PSMA6: variants seen among roughly 807,000 people sequenced by gnomAD.
PSMA6 encodes the protein proteasome subunit alpha type-6.
For missense variants in PSMA6, 170 were observed against 294.8 expected (o/e 0.58, Z 3.10); for synonymous variants, 88 against 97.7 (o/e 0.90, Z 0.59).
intron 1 of PSMA6, among the ~76,000 whole-genome samples, chr14:35,304,359 C>A (rs1455466218): frequency 2.0e-5 from 3 of 152,174 alleles, no homozygotes; most frequent in Non-Finnish European, 2.9e-5. Context: ...ACTTGAGTTT[C>A]TGTGGATTTT....
intron 1 of PSMA6, chr14:35,278,767 T>C (rs1218988185): frequency 1.3e-6 from 2 of 1,520,522 alleles, no homozygotes; most frequent in East Asian, 4.9e-5. Flanking sequence ...ATATTACTGA[T>C]TCTTTGAAAA....
Position 35,307,866 on chromosome 14 carries a change from A to C in PSMA6, c.77-128A>C. On this transcript the variant is annotated intron_variant, in intron 1 of 6. Transcript: ENST00000261479. ...CATTATTATTATTTTGACTTTGCACATCCTGGAATGCTATATGAGCATTCT... is the reference window on the plus strand; with the variant it reads ...CATTATTATTATTTTGACTTTGCACCTCCTGGAATGCTATATGAGCATTCT... The C allele has an allele frequency of 4.0e-6, 3 of 755,426 alleles. No individual in the cohort carries two copies. In the East Asian group the frequency reaches 8.6e-5, roughly 22 times the overall value. 46.8% of individuals were successfully genotyped at this position (755,426 alleles called of 1,614,324 possible). A position where few individuals can be genotyped will look rare whatever the true frequency, so the allele number is the denominator to read the frequency against.
chr14:35,288,082 A>G (rs2051439914), upstream of PSMA6, among the ~76,000 whole-genome samples: 1 of 152,140 alleles, frequency 6.6e-6, no homozygotes, highest in Non-Finnish European at 1.5e-5. Flanking sequence ...ATCTTTTTGA[A>G]TAAAGAAAAA....
chr14:35,312,817 C>A, intron 4 of PSMA6, 64 bp from the exon 5 acceptor site: 3 of 1,424,654 alleles, frequency 2.1e-6, no homozygotes, highest in Admixed American at 2.6e-5. Flanking sequence ...GTGACACCAC[C>A]AAGAAAGAGG....
chr14:35,282,302 A>G (rs2051373910), intron 1 of PSMA6, among the ~76,000 whole-genome samples: 1 of 152,156 alleles, frequency 6.6e-6, no homozygotes, highest in South Asian at 2.1e-4. Context: ...CAGTGTGATC[A>G]TGACTCACTG....
rs183361926 is a variant in PSMA6, at chr14:35,285,628, G to A, written c.19+6910G>A. On this transcript the variant is annotated intron_variant, in intron 1 of 6. Transcript: ENST00000540871. The stretch of plus-strand genomic sequence containing the variant: ...GAAGTGTCTCTAGGCTAAAGGGAAG[G>A]CTGTTGAGTCTTATTTCCTCTCTGT... 9.8e-5 allele frequency among the ~76,000 whole-genome samples: 15 copies of A among 152,340 alleles called. No individual in the cohort carries two copies. In the East Asian group the frequency reaches 2.5e-3, roughly 25 times the overall value.
intron 4 of PSMA6, chr14:35,312,654 T>C: frequency 2.2e-6 from 1 of 444,856 alleles, no homozygotes; most frequent in Admixed American, 4.2e-5. Flanking sequence ...TTATTCAAAC[T>C]ATTTTTTTTA....
intron 1 of PSMA6, chr14:35,292,881 T>C (rs971183761): frequency 1.3e-4 from 64 of 509,128 alleles, no homozygotes; most frequent in Non-Finnish European, 2.2e-4. Flanking sequence ...GCACAAGGTC[T>C]GTTTCTAAAG....
In PSMA6 at chr14:35,306,650, T is replaced by C. The variant is rs186200833; in HGVS notation, c.77-1344T>C. The stretch of plus-strand genomic sequence containing the variant: ...TGAGCCCGGGAGGCAGAGGTTGTAG[T>C]GAGCCAAGATCATGCCACTGCACTC... On this transcript the variant is annotated intron_variant, in intron 1 of 6. Transcript: ENST00000261479. Among the ~76,000 whole-genome samples, 218 of 152,202 alleles carry C rather than the reference T, an allele frequency of 1.4e-3. 1 individual carries two copies. Among genetic ancestry groups the C allele is most frequent in the African/African-American group, 4.8e-3 (200 of 41,526 alleles).
chr14:35,291,513 C>T (rs537923853), upstream of PSMA6, among the ~76,000 whole-genome samples: 1 of 152,118 alleles, frequency 6.6e-6, no homozygotes, highest in African/African-American at 2.4e-5. Context: ...AGCCACCGCG[C>T]CCGGCCTCCG....
intron 1 of PSMA6, chr14:35,278,837 C>G (rs2051333799): frequency 2.6e-6 from 3 of 1,172,172 alleles, no homozygotes; most frequent in East Asian, 5.2e-5. Context: ...TCCCAAGTTG[C>G]TTTTTTTTCT....
chr14:35,280,125 C>T lies in PSMA6; in HGVS notation c.19+1407C>T, dbSNP rs575734840. On this transcript the variant is annotated intron_variant, in intron 1 of 6. Transcript: ENST00000540871. ...CAGCCTGGGCGACAGAGCAAGACTC[C>T]GTCTCAAAAAAAAAAAAAAGAATGT... 1.4e-4 allele frequency among the ~76,000 whole-genome samples: 20 copies of T among 143,418 alleles called. No individual in the cohort carries two copies. The East Asian group carries it at 1.5e-3, about 11-fold the overall frequency. 94.1% of individuals were successfully genotyped at this position (143,418 alleles called of 152,430 possible).
At chr14:35,285,348 C>CA (rs1359907797) in intron 1 of PSMA6, among the ~76,000 whole-genome samples, 2 of 47,340 alleles carry the variant, frequency 4.2e-5, no homozygotes, top group Non-Finnish European at 9.7e-5. Context: ...TCAAAAAAAA[C>CA]AAAAAACAAA....
chr14:35,282,167 A>C (rs1384930748), intron 1 of PSMA6, among the ~76,000 whole-genome samples: 2 of 152,228 alleles, frequency 1.3e-5, no homozygotes, highest in Non-Finnish European at 2.9e-5. Context: ...GCTTATTCAT[A>C]ATAGTGTAAT....
At chr14:35,289,967 G>C (rs1176824974), upstream of PSMA6, among the ~76,000 whole-genome samples, 1 of 150,012 alleles carries the variant, frequency 6.7e-6, no homozygotes, top group African/African-American at 2.5e-5. Flanking sequence ...ACAAATGAAG[G>C]CAGAGGGGGA....
chr14:35,311,632 A>G (rs2051946466), intron 4 of PSMA6, among the ~76,000 whole-genome samples: 1 of 152,230 alleles, frequency 6.6e-6, no homozygotes, highest in Non-Finnish European at 1.5e-5. Context: ...TATCAAATAT[A>G]AGAAAGCAGT....
intron 1 of PSMA6, among the ~76,000 whole-genome samples, chr14:35,287,118 C>T (rs1179174487): frequency 6.6e-6 from 1 of 152,148 alleles, no homozygotes; most frequent in Non-Finnish European, 1.5e-5. Context: ...ACCATAGCTA[C>T]TGGGGTGCAA....
intron 2 of PSMA6, 47 bp downstream of exon 2, chr14:35,308,135 T>C: frequency 6.2e-7 from 1 of 1,600,056 alleles, no homozygotes; most frequent in East Asian, 2.3e-5. Context: ...ATATAAGAAT[T>C]TTTCAGCCAA....
At chr14:35,308,864 G>A (rs1594391126) in intron 2 of PSMA6, 50 bp from the exon 3 acceptor site, 2 of 1,368,282 alleles carry the variant, frequency 1.5e-6, no homozygotes, top group East Asian at 4.6e-5. Context: ...TAACTACACA[G>A]AAACCTGTAT....
Sources: gnomAD v4.1 joint callset for allele counts (sites outside exome capture counted in the v4.1 genomes callset) on GRCh38, gnomAD v4.1.1 for gene constraint, MANE v1.5 for transcripts, NCBI Gene and HGNC (gene_info 2026-07-23, HGNC 2026-07-21) for gene names.